Variants in ZNRF1 observed in about 807,000 individuals in gnomAD.
The protein encoded by ZNRF1 is zinc and ring finger 1.
ZNRF1 carries 3 observed loss-of-function variants against 18.4 expected under a neutral mutation model. The ratio of observed to expected loss-of-function variants is 0.16; its 90% confidence interval spans 0.07 to 0.42. The LOEUF (loss-of-function observed/expected upper bound fraction) is 0.42, where lower values mean the gene tolerates loss of function less well. Among genes scored for constraint, ZNRF1 ranks in the 10% least tolerant of loss-of-function variants. The pLI, the probability that ZNRF1 is intolerant of heterozygous loss-of-function variation, is 0.99. For missense variants in ZNRF1, 310 were observed against 329.8 expected (o/e 0.94, Z 0.47); for synonymous variants, 157 against 144.2 (o/e 1.09, Z -0.64).
chr16:75,013,298 T>A (rs185310891), intron 1 of ZNRF1, among the ~76,000 whole-genome samples: 147 of 152,134 alleles, frequency 9.7e-4, no homozygotes, highest in Non-Finnish European at 1.8e-3. Context: ...GGGTAAGTCT[T>A]ATCATGAGTT....
chr16:75,089,866 G>T (rs4888341), intron 1 of ZNRF1, among the ~76,000 whole-genome samples: 1 of 152,152 alleles, frequency 6.6e-6, no homozygotes, highest in African/African-American at 2.4e-5. Flanking sequence ...AAGGAATCAC[G>T]CTGGAATACA....
rs1217813250 is a variant in ZNRF1, at chr16:75,000,085, C to G, written c.414C>G (p.Ser138Arg). The G allele has an allele frequency of 6.2e-7, 1 of 1,600,910 alleles. No individual in the cohort carries two copies. Among genetic ancestry groups the G allele is most frequent in the Admixed American group, 1.7e-5 (1 of 57,404 alleles). ...TGCACATCGCACCCAGGTGGTTCAGCTCGCATAGTGGTGAGTCCGCGGGTG... is the reference window on the plus strand; with the variant it reads ...TGCACATCGCACCCAGGTGGTTCAGGTCGCATAGTGGTGAGTCCGCGGGTG... ...LPLHIAPRWF[S>R]SHSGFKCPIC... Residue 138 changes from serine to arginine, a missense_variant, in exon 1 of 5, where the codon AGC (serine) becomes AGG (arginine). By Grantham distance (110) the Ser-to-Arg change is moderately radical. Around this residue, in one of 2 missense-constraint regions of ZNRF1, gnomAD observed 293 missense variants for 291.2 expected, o/e 1.01. Coordinates refer to ENST00000335325, the MANE Select transcript of ZNRF1 (RefSeq NM_032268.5).
intron 1 of ZNRF1, among the ~76,000 whole-genome samples, chr16:75,009,498 G>A (rs1265861775): frequency 6.6e-6 from 1 of 152,122 alleles, no homozygotes; most frequent in Non-Finnish European, 1.5e-5. Context: ...TCCATTGTCT[G>A]TCTACCACGT....
intron 1 of ZNRF1, among the ~76,000 whole-genome samples, chr16:75,043,454 T>C (rs541165332): frequency 6.6e-6 from 1 of 152,354 alleles, no homozygotes; most frequent in Non-Finnish European, 1.5e-5. Context: ...TTGAACAGGC[T>C]GCCTTCCAAA....
At chr16:75,096,615 C>G (rs1046046422) in intron 2 of ZNRF1, among the ~76,000 whole-genome samples, 1 of 152,140 alleles carries the variant, frequency 6.6e-6, no homozygotes, top group African/African-American at 2.4e-5. Flanking sequence ...ACTAGAACTC[C>G]TGGTCACTCC....
Position 75,108,576 on chromosome 16 carries a change from A to G in ZNRF1, c.*876A>G, listed in dbSNP as rs185095255. On this transcript the variant is annotated 3_prime_UTR_variant, in exon 5 of 5. Transcript: ENST00000335325. Reference sequence around the variant, plus strand: ...CACGTGGCATCAGCCCATGCAAGATAGGTTTCTGTATTTATATATTAAAAT... The same window carrying G: ...CACGTGGCATCAGCCCATGCAAGATGGGTTTCTGTATTTATATATTAAAAT... 2.0e-5 allele frequency: 8 copies of G among 398,902 alleles called. No individual in the cohort carries two copies. The highest frequency in any genetic ancestry group is 2.1e-5 in the African/African-American group (1 of 48,762). 24.7% of individuals were successfully genotyped at this position (398,902 alleles called of 1,614,324 possible).
intron 1 of ZNRF1, among the ~76,000 whole-genome samples, chr16:75,058,847 G>A (rs985401966): frequency 2.0e-5 from 3 of 152,154 alleles, no homozygotes; most frequent in East Asian, 1.9e-4. Context: ...CAGGAGATGC[G>A]CTGGGCTTTC....
chr16:75,024,453 A>G (rs1000143081), intron 1 of ZNRF1, among the ~76,000 whole-genome samples: 9 of 152,256 alleles, frequency 5.9e-5, no homozygotes, highest in African/African-American at 2.2e-4. Context: ...GAAGAAGTAC[A>G]GTAATCATAG....
intron 1 of ZNRF1, among the ~76,000 whole-genome samples, chr16:75,088,935 G>T (rs1597904569): frequency 6.6e-6 from 1 of 152,146 alleles, no homozygotes; most frequent in South Asian, 2.1e-4. Flanking sequence ...CACAGTGCTC[G>T]AGAGGTTCAA....
At chr16:75,029,090 T>TTTG (rs1555510424) in intron 1 of ZNRF1, among the ~76,000 whole-genome samples, 19 of 151,422 alleles carry the variant, frequency 1.3e-4, no homozygotes, top group African/African-American at 4.6e-4. Context: ...TTTTTTTTTT[T>TTTG]GCTACAACTC....
At chr16:75,095,725 C>T (rs1489318142) in intron 2 of ZNRF1, 1 of 1,543,982 alleles carries the variant, frequency 6.5e-7, no homozygotes, top group South Asian at 1.2e-5. Context: ...AGAGTTACCC[C>T]CACTGCCCTG....
chr16:75,071,907 C>G (rs1182340557), intron 1 of ZNRF1, among the ~76,000 whole-genome samples: 1 of 152,078 alleles, frequency 6.6e-6, no homozygotes, highest in Non-Finnish European at 1.5e-5. Context: ...ACTCCTGCAC[C>G]TAGGGTACCC....
chr16:75,043,457 C>T (rs1156683786), intron 1 of ZNRF1, among the ~76,000 whole-genome samples: 3 of 152,146 alleles, frequency 2.0e-5, no homozygotes, highest in South Asian at 4.1e-4. Flanking sequence ...AACAGGCTGC[C>T]TTCCAAAACT....
chr16:75,030,994 C>T (rs764555591), intron 1 of ZNRF1, among the ~76,000 whole-genome samples: 19 of 151,804 alleles, frequency 1.3e-4, no homozygotes, highest in East Asian at 7.7e-4. Flanking sequence ...TGCACCGCCA[C>T]GCCTAGCTAA....
chr16:75,078,459 C>T lies in ZNRF1; in HGVS notation c.425-15113C>T, dbSNP rs534584761. ...GATTACAAGCACACATCACCATGCC[C>T]GGCTAACTTTTGTATTTTTAGTAGA... On this transcript the variant is annotated intron_variant, in intron 1 of 4. Transcript: ENST00000335325. Among the ~76,000 whole-genome samples, 22 of 152,108 alleles carry T rather than the reference C, an allele frequency of 1.4e-4. No homozygotes were observed. The East Asian group carries it at 1.5e-3, about 11-fold the overall frequency.
At chr16:75,001,517 C>T (rs1431902879) in intron 1 of ZNRF1, among the ~76,000 whole-genome samples, 1 of 152,160 alleles carries the variant, frequency 6.6e-6, no homozygotes, top group Non-Finnish European at 1.5e-5. Flanking sequence ...ACATGATTGC[C>T]TTTGGCTCTT....
intron 2 of ZNRF1, among the ~76,000 whole-genome samples, chr16:75,099,499 C>A (rs972284438): frequency 1.3e-5 from 2 of 152,118 alleles, no homozygotes; most frequent in Non-Finnish European, 2.9e-5. Context: ...GGCACTGACA[C>A]CATCCCCAGC....
At chr16:75,064,083 G>C (rs1014655528) in intron 1 of ZNRF1, among the ~76,000 whole-genome samples, 22 of 152,230 alleles carry the variant, frequency 1.4e-4, no homozygotes, top group Non-Finnish European at 2.2e-4. Context: ...CGGATCACTT[G>C]AGCTCAGGAG....
chr16:75,095,808 C>T, intron 2 of ZNRF1: 1 of 1,414,474 alleles, frequency 7.1e-7, no homozygotes, highest in South Asian at 1.6e-5. Context: ...ATGTGTCCCC[C>T]TGTCCCCCTC....
Sources: gnomAD v4.1 joint callset for allele counts (sites outside exome capture counted in the v4.1 genomes callset) on GRCh38, gnomAD v4.1.1 for gene constraint, gnomAD v4.1.1 regional missense constraint, MANE v1.5 for transcripts, NCBI Gene and HGNC (gene_info 2026-07-23, HGNC 2026-07-21) for gene names.